ANKRD17: variants seen among roughly 807,000 people sequenced by gnomAD.
ANKRD17 encodes ankyrin repeat domain 17.
In ANKRD17, 19 loss-of-function variants were observed where a neutral mutation model predicts 229.7. The ratio of observed to expected loss-of-function variants is 0.08; its 90% CI spans 0.06 to 0.12. The LOEUF is 0.12. Among genes scored for constraint, ANKRD17 ranks in the 10% least tolerant of loss-of-function variants. The probability of loss-of-function intolerance (pLI) is 1.00; values close to 1 mark genes in which losing one functional copy is unlikely to be tolerated. For missense variants in ANKRD17, 2,176 were observed against 3,176.8 expected (o/e 0.68, Z 7.57); for synonymous variants, 1,112 against 1,146.1 (o/e 0.97, Z 0.60).
chr4:73,088,492 C>G (rs1023748679), intron 29 of ANKRD17, among the ~76,000 whole-genome samples: 1 of 152,062 alleles, frequency 6.6e-6, no homozygotes, highest in Non-Finnish European at 1.5e-5. Flanking sequence ...TTCTCTAAAG[C>G]TTAATTTTAG....
rs145655554 is a variant in ANKRD17, at chr4:73,232,547, T to G, written c.393+25729A>C. On this transcript the variant is annotated intron_variant, in intron 1 of 33. Transcript: ENST00000358602. Reference sequence around the variant, plus strand: ...CCAGTCAAGAAAGAATTAGGCATCTTACATTAAAAGAGTCACATTTGTATT... The same window carrying G: ...CCAGTCAAGAAAGAATTAGGCATCTGACATTAAAAGAGTCACATTTGTATT... Among the ~76,000 whole-genome samples the G allele has an allele frequency of 2.3e-3, 349 of 152,314 alleles. 1 individual carries two copies. The highest frequency in any genetic ancestry group is 8.2e-3 in the African/African-American group (341 of 41,564).
intron 1 of ANKRD17, among the ~76,000 whole-genome samples, chr4:73,218,590 C>T (rs1741413415): frequency 1.3e-5 from 2 of 150,038 alleles, no homozygotes; most frequent in Non-Finnish European, 3.0e-5. Flanking sequence ...TTGCAGTGAG[C>T]CAAGGTCATG....
At position 73,084,475 on chromosome 4, in the gene ANKRD17, G is replaced by A. The variant is rs561554765; in HGVS notation, c.7159+774C>T. On this transcript the variant is annotated intron_variant, in intron 30 of 33. Transcript: ENST00000358602. ...GATTTTTTTTTTTTTTTGAGATGAA[G>A]TCTTGCTCTGTTGCCCAGGCTGGAG... is the stretch of plus-strand genomic sequence containing the variant. Among the ~76,000 whole-genome samples, 313 of 145,456 alleles carry A rather than the reference G, an allele frequency of 2.2e-3. 4 individuals carry two copies. Among genetic ancestry groups the A allele is most frequent in the African/African-American group, 7.5e-3 (296 of 39,268 alleles).
chr4:73,256,596 C>T (rs866532085), intron 1 of ANKRD17, among the ~76,000 whole-genome samples: 2 of 152,298 alleles, frequency 1.3e-5, no homozygotes, highest in Non-Finnish European at 2.9e-5. Flanking sequence ...TTCCTCTAAA[C>T]CTTGTTTTCC....
chr4:73,082,827 T>A (rs926503537), intron 30 of ANKRD17, among the ~76,000 whole-genome samples: 2 of 152,134 alleles, frequency 1.3e-5, no homozygotes, highest in African/African-American at 4.8e-5. Context: ...AATTAGAATC[T>A]TGGATGAGAG....
chr4:73,155,618 A>G lies in ANKRD17; in HGVS notation c.1000+13T>C, dbSNP rs1318874750. 1.9e-6 allele frequency: 3 copies of G among 1,613,016 alleles called. No individual in the cohort carries two copies. The highest frequency in any genetic ancestry group is 2.2e-5 in the East Asian group (1 of 44,840). On this transcript the variant is annotated intron_variant, in intron 5 of 33. Transcript: ENST00000358602. ...TTACTATGTAGTAAAACTGAAAAAG[A>G]AATAGGCATGACCTGTTGAAGACTG...
Position 73,139,551 on chromosome 4 carries a change from G to T in ANKRD17, c.3065C>A (p.Thr1022Lys). 1 of 1,613,380 alleles carries T rather than the reference G, an allele frequency of 6.2e-7. No homozygotes were observed. Among genetic ancestry groups the T allele is most frequent in the Non-Finnish European group, 8.5e-7 (1 of 1,179,564 alleles). Residue 1022 changes from threonine (T) to lysine (K), a missense_variant, in exon 15 of 34, where the codon ACG (threonine) becomes AAG (lysine). Coordinates refer to ENST00000358602, the MANE Select transcript of ANKRD17 (RefSeq NM_032217.5). ...VASPAQTLNDTLDDIMAAVSG... is the reference protein window; with the variant it reads ...VASPAQTLNDKLDDIMAAVSG... ...CCCACCTGCCATGATGTCATCCAGC[G>T]TGTCATTGAGGGTCTGAGCAGGGCT...
At chr4:73,215,663 T>C (rs906938171) in intron 1 of ANKRD17, among the ~76,000 whole-genome samples, 2 of 152,194 alleles carry the variant, frequency 1.3e-5, no homozygotes, top group Non-Finnish European at 2.9e-5. Context: ...AAGTGCACAA[T>C]AAGCCAGTGA....
At chr4:73,118,659 C>G (rs777342897) in intron 22 of ANKRD17, 29 bp downstream of exon 22, 6 of 1,610,834 alleles carry the variant, frequency 3.7e-6, no homozygotes, top group African/African-American at 1.3e-5. Context: ...AAAAAAACAT[C>G]CAGGTAAATG....
chr4:73,212,135 G>GAA (rs1412054266), intron 1 of ANKRD17, among the ~76,000 whole-genome samples: 32 of 152,080 alleles, frequency 2.1e-4, no homozygotes, highest in Admixed American at 5.9e-4. Flanking sequence ...TGTGGGTTGG[G>GAA]CAGAGGGAAA....
At chr4:73,179,509 TATATATATA>T (rs1358488632) in intron 1 of ANKRD17, among the ~76,000 whole-genome samples, 12 of 85,076 alleles carry the variant, frequency 1.4e-4, no homozygotes, top group African/African-American at 4.9e-4. Flanking sequence ...TATATATATA[TATATATATA>T]TTTTTTTTTT....
At chr4:73,123,589 T>A (rs1189850923) in intron 18 of ANKRD17, among the ~76,000 whole-genome samples, 2 of 152,080 alleles carry the variant, frequency 1.3e-5, no homozygotes, top group Admixed American at 6.5e-5. Context: ...GCCTATATTA[T>A]CACTGTTAAT....
intron 24 of ANKRD17, among the ~76,000 whole-genome samples, chr4:73,108,025 G>A (rs1724848349): frequency 6.6e-6 from 1 of 152,198 alleles, no homozygotes; most frequent in East Asian, 1.9e-4. Flanking sequence ...TTGAGAGAAG[G>A]TCTCACACTG....
At chr4:73,137,845 T>C (rs1729107915) in intron 15 of ANKRD17, among the ~76,000 whole-genome samples, 1 of 152,218 alleles carries the variant, frequency 6.6e-6, no homozygotes, top group Non-Finnish European at 1.5e-5. Flanking sequence ...TTGTTTCATG[T>C]ATGAATCAAA....
chr4:73,258,786 G>C lies in ANKRD17; in HGVS notation c.-118C>G. On this transcript the variant is annotated 5_prime_UTR_variant, in exon 1 of 34. Coordinates refer to ENST00000358602, the MANE Select transcript of ANKRD17 (RefSeq NM_032217.5). ...GTGCCGCCTCCGCCGCCACCGCCTC[G>C]GTCACCTCTACTGCCGCCGCCGCCG... is the stretch of plus-strand genomic sequence containing the variant. 7.7e-7 allele frequency: 1 copy of C among 1,306,382 alleles called. No homozygotes were observed. The allele number at this position is 1,306,382 out of a possible 1,614,324, so 80.9% of individuals were successfully genotyped here.
chr4:73,148,937 T>G lies in ANKRD17; in HGVS notation c.1443A>C (p.Glu481Asp). 2.5e-6 allele frequency: 4 copies of G among 1,613,680 alleles called. No individual in the cohort carries two copies. Among genetic ancestry groups the G allele is most frequent in the Non-Finnish European group, 3.4e-6 (4 of 1,179,824 alleles). ...LTLAACGGHVELAALLIERGA... is the reference protein window; with the variant it reads ...LTLAACGGHVDLAALLIERGA... ...CTCTTTCAATAAGTAAAGCCGCAAG[T>G]TCCACATGCCCACCACATGCAGCCA... The change falls in exon 8 of 34, where the codon GAA becomes GAC. Residue 481 changes from glutamate to aspartate, a missense_variant. By Grantham distance (45) the Glu-to-Asp change is conservative. Transcript: ENST00000358602.
At chr4:73,109,578 G>A (rs1725053915) in intron 24 of ANKRD17, among the ~76,000 whole-genome samples, 1 of 152,108 alleles carries the variant, frequency 6.6e-6, no homozygotes, top group Non-Finnish European at 1.5e-5. Flanking sequence ...TAGGATAAGG[G>A]AGAAAGTAAG....
chr4:73,232,894 T>G (rs1743185557), intron 1 of ANKRD17, among the ~76,000 whole-genome samples: 1 of 152,114 alleles, frequency 6.6e-6, no homozygotes, highest in African/African-American at 2.4e-5. Context: ...AGCTAATTTT[T>G]GTATTTTTAG....
chr4:73,236,969 A>G (rs561208794), intron 1 of ANKRD17, among the ~76,000 whole-genome samples: 1 of 152,302 alleles, frequency 6.6e-6, no homozygotes, highest in South Asian at 2.1e-4. Flanking sequence ...ATAGTGTAAG[A>G]AAAGAAATAC....
Sources: gnomAD v4.1 joint callset for allele counts (sites outside exome capture counted in the v4.1 genomes callset) on GRCh38, gnomAD v4.1.1 for gene constraint, MANE v1.5 for transcripts, NCBI Gene and HGNC (gene_info 2026-07-23, HGNC 2026-07-21) for gene names.